CHD4: variants seen among roughly 807,000 people sequenced by gnomAD.
CHD4 encodes the protein chromodomain helicase DNA binding protein 4.
In CHD4, 35 loss-of-function variants were observed where a neutral mutation model predicts 235.5. That is an observed-to-expected ratio of 0.15 (90% CI 0.11 to 0.20). The LOEUF is 0.20. Among genes scored for constraint, CHD4 ranks in the 10% least tolerant of loss-of-function variants. The pLI, the probability that CHD4 is intolerant of heterozygous loss-of-function variation, is 1.00. For missense variants in CHD4, 1,329 were observed against 2,432.3 expected, an observed-to-expected ratio of 0.55 and a Z score of 9.54; for synonymous variants, 900 against 850.2, an observed-to-expected ratio of 1.06 and a Z score of -1.02.
At chr12:6,577,667 T>TTTC in intron 37 of CHD4, 118 bp downstream of exon 37, 1 of 1,381,320 alleles carries the variant, frequency 7.2e-7, no homozygotes, top group Non-Finnish European at 1.0e-6. Flanking sequence ...GAGCAAAGCC[T>TTTC]TCCATAGAAT....
At chr12:6,604,257 G>C (rs1211878264) in intron 2 of CHD4, among the ~76,000 whole-genome samples, 1 of 152,272 alleles carries the variant, frequency 6.6e-6, no homozygotes, top group African/African-American at 2.4e-5. Context: ...CTTGGCGACA[G>C]AGTGAGACCC....
chr12:6,573,317 T>G, intron 37 of CHD4, 48 bp from the exon 38 acceptor site: 3 of 1,459,304 alleles, frequency 2.1e-6, no homozygotes, highest in Non-Finnish European at 1.8e-6. Flanking sequence ...TAACTCACTT[T>G]ACTCACTTCT....
intron 2 of CHD4, among the ~76,000 whole-genome samples, chr12:6,603,943 G>C (rs751600831): frequency 1.3e-5 from 2 of 152,156 alleles, no homozygotes; most frequent in Non-Finnish European, 2.9e-5. Context: ...ATATGGGAAT[G>C]TCTGCACAAA....
chr12:6,602,415 C>A lies in CHD4; in HGVS notation c.183G>T (p.Arg61=), dbSNP rs763993576. The A allele has an allele frequency of 1.2e-6, 2 of 1,614,120 alleles. No homozygotes were observed. The highest frequency in any genetic ancestry group is 8.5e-7 in the Non-Finnish European group (1 of 1,180,026). ...LKKKKKPKKP[R]DPKIPKSKRQ... is the part of the protein sequence containing the mutation. ...GCTTGCTCTTAGGGATTTTAGGGTC[C>A]CGAGGTTTCTTAGGCTTTTTCTTCT... The change falls in exon 3 of 40, where the codon CGG becomes CGT. Residue 61 remains arginine (R), a synonymous_variant. Coordinates refer to ENST00000544040, the MANE Select transcript of CHD4 (RefSeq NM_001273.5).
intron 25 of CHD4, among the ~76,000 whole-genome samples, chr12:6,585,472 C>T (rs966865474): frequency 7.3e-5 from 11 of 151,266 alleles, no homozygotes; most frequent in Non-Finnish European, 1.2e-4. Context: ...TTAGTAGAGA[C>T]GGGGTTTCAT....
At position 6,574,540 on chromosome 12, in the gene CHD4, A is replaced by G. The variant is rs919113074; in HGVS notation, c.5362-1271T>C. On this transcript the variant is annotated intron_variant, in intron 37 of 39. Transcript: ENST00000544040. ...ATATTCATAAAACATATGACTCAAC[A>G]TAAGAGAAGATTTCTCATACCCTTC... 8.5e-5 allele frequency among the ~76,000 whole-genome samples: 13 copies of G among 152,238 alleles called. No individual in the cohort carries two copies. The East Asian group carries it at 1.5e-3, about 18-fold the overall frequency.
At chr12:6,578,772 G>C in intron 34 of CHD4, 74 bp downstream of exon 34, 2 of 1,460,228 alleles carry the variant, frequency 1.4e-6, no homozygotes, top group Non-Finnish European at 1.9e-6. Context: ...TGGACAGGGA[G>C]GCAGGGCAGA....
intron 25 of CHD4, chr12:6,583,609 G>A (rs1010211165): frequency 4.2e-6 from 2 of 472,478 alleles, no homozygotes; most frequent in Middle Eastern, 5.3e-4. Context: ...ATGGGATAGA[G>A]CTATTATCAC....
rs2136225802 is a variant in CHD4 at position 6,602,192 on chromosome 12, G to C, written c.223-17C>G. 1.9e-6 allele frequency: 3 copies of C among 1,613,182 alleles called. No individual in the cohort carries two copies. The highest frequency in any genetic ancestry group is 1.1e-5 in the South Asian group (1 of 91,054). On this transcript the variant is annotated splice_polypyrimidine_tract_variant and intron_variant, in intron 3 of 39. Coordinates refer to ENST00000544040, the MANE Select transcript of CHD4 (RefSeq NM_001273.5). ...GAGCATACGCTGGAGCAGGGCAAGGGGGGAAGAGGGAGACAGACACACACA... is the reference window on the plus strand; with the variant it reads ...GAGCATACGCTGGAGCAGGGCAAGGCGGGAAGAGGGAGACAGACACACACA...
At chr12:6,580,114 G>A (rs1479372491) in intron 33 of CHD4, among the ~76,000 whole-genome samples, 1 of 149,642 alleles carries the variant, frequency 6.7e-6, no homozygotes, top group Non-Finnish European at 1.5e-5. Flanking sequence ...TGCAATCCCA[G>A]CTACTCAGAG....
chr12:6,579,784 T>C (rs1592262799), intron 33 of CHD4, among the ~76,000 whole-genome samples: 1 of 142,146 alleles, frequency 7.0e-6, no homozygotes, highest in Non-Finnish European at 1.5e-5. Context: ...TGGCCAGGCG[T>C]GGTGGCTCAC....
intron 12 of CHD4, 129 bp from the exon 13 acceptor site, chr12:6,596,266 G>T: frequency 2.6e-6 from 3 of 1,166,646 alleles, no homozygotes; most frequent in East Asian, 2.5e-5. Flanking sequence ...CGTTTTCAGA[G>T]CCTCTACTGT....
chr12:6,571,729 G>T (rs1947974163), intron 38 of CHD4: 1 of 132,282 alleles, frequency 7.6e-6, no homozygotes, highest in Admixed American at 6.8e-5. Flanking sequence ...GGGAGGCAGA[G>T]GCGGTGGATC....
In CHD4 at chr12:6,591,838, G is replaced by T; in HGVS notation, c.3091-13C>A. Reference sequence around the variant, plus strand: ...TCTTAGGAGCTTCCTGAGAACAAATGCAAAGAAAAAAGTATTAAAAGAAAG... The same window carrying T: ...TCTTAGGAGCTTCCTGAGAACAAATTCAAAGAAAAAAGTATTAAAAGAAAG... On this transcript the variant is annotated splice_polypyrimidine_tract_variant and intron_variant, in intron 20 of 39. Transcript: ENST00000544040. 2 of 1,613,818 alleles carry T rather than the reference G, an allele frequency of 1.2e-6. No homozygotes were observed. The highest frequency in any genetic ancestry group is 1.7e-6 in the Non-Finnish European group (2 of 1,179,922).
intron 22 of CHD4, 132 bp downstream of exon 22, chr12:6,591,334 C>T (rs948434733): frequency 2.9e-6 from 2 of 698,738 alleles, no homozygotes; most frequent in African/African-American, 1.8e-5. Flanking sequence ...TTGAGACATT[C>T]AAAAGCTTTA....
chr12:6,583,261 G>A lies in CHD4; in HGVS notation c.3997C>T (p.Leu1333=). The change falls in exon 26 of 40, where the codon CTG becomes TTG. Residue 1333 remains leucine, a synonymous_variant. Coordinates refer to ENST00000544040, the MANE Select transcript of CHD4 (RefSeq NM_001273.5). The stretch of plus-strand genomic sequence containing the variant: ...TTACGGATTCTTTTTCCTTTGCCCA[G>A]ATTTCGGGCTAGATCTTCTTGCTGC... ...EQQQEDLARN[L]GKGKRIRKQV... The A allele has an allele frequency of 3.1e-6, 5 of 1,614,186 alleles. No individual in the cohort carries two copies. The highest frequency in any genetic ancestry group is 4.2e-6 in the Non-Finnish European group (5 of 1,180,030).
chr12:6,582,201 C>T lies in CHD4; in HGVS notation c.4451G>A (p.Arg1484Gln). 2.5e-6 allele frequency: 4 copies of T among 1,602,890 alleles called. No individual in the cohort carries two copies. Among genetic ancestry groups the T allele is most frequent in the Non-Finnish European group, 3.4e-6 (4 of 1,175,936 alleles). ...GACATGCTGGCGAGACAGGCCTTCTCGGGGGACACCATCAGCAAAGGTCTC... is the reference window on the plus strand; with the variant it reads ...GACATGCTGGCGAGACAGGCCTTCTTGGGGGACACCATCAGCAAAGGTCTC... ...GAETFADGVP[R>Q]EGLSRQHVLT... Residue 1484 changes from arginine (R) to glutamine (Q), a missense_variant, in exon 30 of 40, where the codon CGA becomes CAA. Around this residue, in one of 26 missense-constraint regions of CHD4, gnomAD observed 48 missense variants for 109.6 expected, o/e 0.44. Transcript: ENST00000544040.
intron 25 of CHD4, chr12:6,584,295 T>C (rs760552787): frequency 1.3e-5 from 2 of 152,134 alleles, no homozygotes; most frequent in African/African-American, 4.8e-5. Context: ...ACATAAAATA[T>C]TTTTGGAAAG....
intron 15 of CHD4, 69 bp downstream of exon 15, chr12:6,594,390 C>T: frequency 5.6e-6 from 8 of 1,423,768 alleles, no homozygotes; most frequent in Non-Finnish European, 7.7e-6. Context: ...TATCTCTCTA[C>T]TCAGTGTAAG....
Sources: allele counts gnomAD v4.1 joint callset (sites outside exome capture counted in the v4.1 genomes callset), GRCh38; gene constraint gnomAD v4.1.1; regional missense constraint gnomAD v4.1.1; transcripts MANE v1.5; gene names NCBI Gene and HGNC (gene_info 2026-07-23, HGNC 2026-07-21).